ZFYVE9: variants seen among roughly 807,000 people sequenced by gnomAD.
ZFYVE9 encodes the protein zinc finger FYVE-type containing 9, also known as zinc finger FYVE domain-containing protein 9.
Under a neutral mutation model 126.7 loss-of-function variants are expected in ZFYVE9, and 43 were observed. The ratio of observed to expected loss-of-function variants is 0.34; its 90% CI spans 0.27 to 0.44. The LOEUF is 0.44. Ranked by LOEUF, ZFYVE9 falls within the 20% of genes least tolerant of loss-of-function variation. ZFYVE9 has a pLI of 1.00. For synonymous variants in ZFYVE9, 521 were observed against 597.4 expected (o/e 0.87, Z 1.87); for missense variants, 1,476 against 1,697.0 (o/e 0.87, Z 2.29).
At chr1:52,150,075 T>C (rs1644340058) in intron 1 of ZFYVE9, 1 of 152,156 alleles carries the variant, frequency 6.6e-6, no homozygotes. Context: ...ACAGAGTCTA[T>C]CTCAAAATTC....
chr1:52,238,282 C>T lies in ZFYVE9; in HGVS notation c.865C>T (p.Pro289Ser). The change falls in exon 4 of 19, where the codon CCA becomes TCA. Residue 289 changes from proline to serine, a missense_variant. Pro to Ser is a moderately conservative substitution (Grantham distance 74, BLOSUM62 -1). Coordinates refer to ENST00000287727, the MANE Select transcript of ZFYVE9 (RefSeq NM_004799.4). ...TGTTAAAAAGCAAGAGAACTATATA[C>T]CAGATGAGGACCTCACTGGCAAAAT... ...PAVKKQENYI[P>S]DEDLTGKISS... The T allele has an allele frequency of 6.2e-7, 1 of 1,613,932 alleles. No individual in the cohort carries two copies. Among genetic ancestry groups the T allele is most frequent in the Non-Finnish European group, 8.5e-7 (1 of 1,179,964 alleles).
At chr1:52,199,298 C>T (rs924711556) in intron 1 of ZFYVE9, among the ~76,000 whole-genome samples, 7 of 152,128 alleles carry the variant, frequency 4.6e-5, no homozygotes, top group African/African-American at 9.6e-5. Context: ...CTCCTGACCT[C>T]GTGATCCACC....
intron 13 of ZFYVE9, among the ~76,000 whole-genome samples, chr1:52,318,023 A>G (rs1467464632): frequency 6.6e-6 from 1 of 152,198 alleles, no homozygotes; most frequent in Non-Finnish European, 1.5e-5. Context: ...CCAAGAAAAT[A>G]GAAGAGAAGG....
chr1:52,322,822 G>A (rs1479652273), intron 13 of ZFYVE9, among the ~76,000 whole-genome samples: 2 of 144,688 alleles, frequency 1.4e-5, no homozygotes, highest in Non-Finnish European at 3.0e-5. Flanking sequence ...TTTCTTTTTT[G>A]GAGACAGAGT....
intron 1 of ZFYVE9, among the ~76,000 whole-genome samples, chr1:52,147,920 G>A (rs1400354279): frequency 6.6e-6 from 1 of 151,606 alleles, no homozygotes; most frequent in Non-Finnish European, 1.5e-5. Context: ...GTGTGAAGTG[G>A]TAATGTAAGG....
At chr1:52,295,096 TA>T (rs1184305048) in intron 11 of ZFYVE9, among the ~76,000 whole-genome samples, 1 of 152,070 alleles carries the variant, frequency 6.6e-6, no homozygotes, top group African/African-American at 2.4e-5. Context: ...TAATTCCAGC[TA>T]CTGGAGAGGC....
chr1:52,325,554 G>A (rs1646282711), intron 13 of ZFYVE9, among the ~76,000 whole-genome samples: 1 of 152,116 alleles, frequency 6.6e-6, no homozygotes, highest in Admixed American at 6.6e-5. Context: ...TATTTTATTA[G>A]ATACCCAATC....
chr1:52,255,981 T>TTTCCTTCCTTCC (rs772190432), intron 4 of ZFYVE9, among the ~76,000 whole-genome samples: 146 of 115,636 alleles, frequency 1.3e-3, no homozygotes, highest in African/African-American at 4.8e-3. Flanking sequence ...TCTTTCTTTC[T>TTTCCTTCCTTCC]TTCCTTCCTT....
intron 13 of ZFYVE9, among the ~76,000 whole-genome samples, chr1:52,317,189 A>G (rs1218374256): frequency 6.6e-6 from 1 of 152,168 alleles, no homozygotes; most frequent in African/African-American, 2.4e-5. Flanking sequence ...AGCTAAAACA[A>G]TGATTAGAGA....
intron 13 of ZFYVE9, among the ~76,000 whole-genome samples, chr1:52,327,268 A>G (rs1468489908): frequency 6.6e-6 from 1 of 152,178 alleles, no homozygotes; most frequent in African/African-American, 2.4e-5. Flanking sequence ...GGCATTTCAA[A>G]GAAGGTAATG....
chr1:52,269,060 A>G (rs1439474621), intron 7 of ZFYVE9, among the ~76,000 whole-genome samples: 1 of 152,176 alleles, frequency 6.6e-6, no homozygotes, highest in East Asian at 1.9e-4. Flanking sequence ...AGAGTGGTAC[A>G]CTTGTTACAC....
At chr1:52,208,364 G>A (rs558025602) in intron 1 of ZFYVE9, among the ~76,000 whole-genome samples, 49 of 152,126 alleles carry the variant, frequency 3.2e-4, no homozygotes, top group Non-Finnish European at 6.2e-4. Flanking sequence ...TTCCATTGCT[G>A]TAGTCACACT....
At chr1:52,291,423 G>A (rs986980392) in intron 10 of ZFYVE9, among the ~76,000 whole-genome samples, 7 of 152,202 alleles carry the variant, frequency 4.6e-5, no homozygotes, top group East Asian at 1.9e-4. Context: ...AAGGAAGCTC[G>A]TACTTGGCTA....
intron 4 of ZFYVE9, among the ~76,000 whole-genome samples, chr1:52,244,505 A>G (rs769782365): frequency 1.3e-5 from 2 of 152,238 alleles, no homozygotes; most frequent in African/African-American, 2.4e-5. Flanking sequence ...CTTATACTTC[A>G]TATAGAAAAT....
intron 1 of ZFYVE9, chr1:52,150,089 T>G (rs1452856563): frequency 6.6e-6 from 1 of 152,158 alleles, no homozygotes; most frequent in Non-Finnish European, 1.5e-5. Flanking sequence ...AAAATTCTCT[T>G]TACTAAAATA....
chr1:52,317,314 G>GTTTGAGA (rs1000274144), intron 13 of ZFYVE9, among the ~76,000 whole-genome samples: 7 of 152,046 alleles, frequency 4.6e-5, no homozygotes, highest in Non-Finnish European at 1.5e-5. Context: ...GAGGTCAGGA[G>GTTTGAGA]TTTGAGACCA....
At chr1:52,166,898 GAA>G in intron 1 of ZFYVE9, among the ~76,000 whole-genome samples, 1 of 151,466 alleles carries the variant, frequency 6.6e-6, no homozygotes, top group East Asian at 1.9e-4. Context: ...ATCTTAAGAA[GAA>G]AAAAAAGTTT....
chr1:52,180,272 T>C, intron 1 of ZFYVE9: 3 of 1,600,880 alleles, frequency 1.9e-6, no homozygotes, highest in Non-Finnish European at 2.6e-6. Context: ...ATGTCAAATT[T>C]ATCAAAGCCA....
chr1:52,180,993 AAAAG>A (rs1435863431), intron 1 of ZFYVE9, among the ~76,000 whole-genome samples: 3 of 151,714 alleles, frequency 2.0e-5, no homozygotes, highest in Non-Finnish European at 4.4e-5. Flanking sequence ...AAAAAAAAAA[AAAAG>A]GTAGAAATAA....
Sources: gnomAD v4.1 joint callset for allele counts (sites outside exome capture counted in the v4.1 genomes callset) on GRCh38, gnomAD v4.1.1 for gene constraint, MANE v1.5 for transcripts, NCBI Gene and HGNC (gene_info 2026-07-23, HGNC 2026-07-21) for gene names.